The following CNTNAP2 variants were observed in gnomAD, a reference collection of about 807,000 sequenced individuals.
CNTNAP2 encodes the protein contactin associated protein 2.
A neutral mutation model predicts 155.2 loss-of-function variants in CNTNAP2; 98 were observed. The observed-to-expected ratio is 0.63, with a 90% confidence interval of 0.54 to 0.75. The LOEUF (loss-of-function observed/expected upper bound fraction) is 0.75, where lower values mean the gene tolerates loss of function less well. CNTNAP2 is among the 30% of genes least tolerant of loss of function. The probability of loss-of-function intolerance (pLI) is 0.00; values close to 1 mark genes in which losing one functional copy is unlikely to be tolerated. For missense variants in CNTNAP2, 1,727 were observed against 1,688.1 expected (o/e 1.02, Z -0.40); for synonymous variants, 651 against 631.2 (o/e 1.03, Z -0.47).
chr7:146,970,238 C>T (rs1324934437), intron 3 of CNTNAP2, among the ~76,000 whole-genome samples: 9 of 152,196 alleles, frequency 5.9e-5, no homozygotes, highest in African/African-American at 2.2e-4. Context: ...AGAGCTTCTG[C>T]ACAGCAAAAG....
intron 16 of CNTNAP2, among the ~76,000 whole-genome samples, chr7:148,140,252 T>C (rs1805033755): frequency 6.6e-6 from 1 of 152,058 alleles, no homozygotes; most frequent in South Asian, 2.1e-4. Flanking sequence ...TGAGCCTCCA[T>C]GTTCAGAGTC....
At chr7:148,132,624 G>C (rs1019002391) in intron 16 of CNTNAP2, among the ~76,000 whole-genome samples, 2 of 152,176 alleles carry the variant, frequency 1.3e-5, no homozygotes, top group Non-Finnish European at 2.9e-5. Flanking sequence ...ATGAGATGTA[G>C]AATAGAAATG....
intron 11 of CNTNAP2, among the ~76,000 whole-genome samples, chr7:147,521,222 C>A (rs935410084): frequency 6.6e-6 from 1 of 152,174 alleles, no homozygotes; most frequent in East Asian, 1.9e-4. Flanking sequence ...CATTAATTTG[C>A]CTGCTTCGGT....
intron 1 of CNTNAP2, among the ~76,000 whole-genome samples, chr7:146,507,313 G>A (rs565528354): frequency 1.2e-3 from 176 of 152,314 alleles, no homozygotes; most frequent in Non-Finnish European, 2.2e-3. Flanking sequence ...TCTCTGCACT[G>A]CCATAGGCCC....
At chr7:146,607,862 C>T (rs1341302821) in intron 1 of CNTNAP2, among the ~76,000 whole-genome samples, 1 of 152,128 alleles carries the variant, frequency 6.6e-6, no homozygotes, top group Non-Finnish European at 1.5e-5. Flanking sequence ...CCCTCATGTG[C>T]TTCCAAAATC....
At chr7:147,064,906 C>A (rs1286783231) in intron 4 of CNTNAP2, among the ~76,000 whole-genome samples, 3 of 152,120 alleles carry the variant, frequency 2.0e-5, no homozygotes, top group Admixed American at 1.3e-4. Flanking sequence ...GTTTCAAGAG[C>A]TCAAATTCCT....
At position 148,415,989 on chromosome 7, in the gene CNTNAP2, G is replaced by GTATT. The variant is rs1799979496; in HGVS notation, c.*375_*378dup. The GTATT allele has an allele frequency of 4.1e-6, 1 of 241,180 alleles. No individual in the cohort carries two copies. Among genetic ancestry groups the GTATT allele is most frequent in the African/African-American group, 2.3e-5 (1 of 44,148 alleles). The allele number at this position is 241,180 out of a possible 1,614,324, so 14.9% of individuals were successfully genotyped here. On this transcript the variant is annotated 3_prime_UTR_variant, in exon 24 of 24. Coordinates refer to ENST00000361727, the MANE Select transcript of CNTNAP2 (RefSeq NM_014141.6). The stretch of plus-strand genomic sequence containing the variant: ...GTTTTTAAGAGCCCTTAGAACGTGG[G>GTATT]TATTTTTTTTCTTGAGAAAAGCTAA...
rs1297546071 is a variant in CNTNAP2 at position 147,095,554 on chromosome 7, C to A, written c.551-12593C>A. ...ATATATATTTTCTTTTTAGTAAGTT[C>A]TATTTCAAATCTCAGTGAATAAGTT... is the stretch of plus-strand genomic sequence containing the variant. On this transcript the variant is annotated intron_variant, in intron 4 of 23. Transcript: ENST00000361727. 3.3e-5 allele frequency among the ~76,000 whole-genome samples: 5 copies of A among 151,526 alleles called. No individual in the cohort carries two copies. The South Asian group carries it at 1.0e-3, about 32-fold the overall frequency.
chr7:148,331,708 G>A (rs1563045910), intron 21 of CNTNAP2, among the ~76,000 whole-genome samples: 74 of 148,532 alleles, frequency 5.0e-4, no homozygotes, highest in South Asian at 6.4e-4. Context: ...GTGGATGGAT[G>A]GAGTGGACGG....
intron 1 of CNTNAP2, among the ~76,000 whole-genome samples, chr7:146,420,793 T>G (rs972022614): frequency 6.6e-6 from 1 of 152,106 alleles, no homozygotes; most frequent in Admixed American, 6.6e-5. Context: ...ACATCATTAA[T>G]GTAGGAATTG....
chr7:147,030,295 C>A (rs945127890), intron 3 of CNTNAP2, among the ~76,000 whole-genome samples: 3 of 152,054 alleles, frequency 2.0e-5, no homozygotes, highest in Non-Finnish European at 4.4e-5. Flanking sequence ...AGCATAGTTT[C>A]TTTTATGTGA....
At chr7:147,253,386 T>TTTTG (rs2116664179) in intron 8 of CNTNAP2, among the ~76,000 whole-genome samples, 1 of 148,780 alleles carries the variant, frequency 6.7e-6, no homozygotes, top group African/African-American at 2.6e-5. Context: ...GTTCTCTGTT[T>TTTTG]TTTTTTTTTT....
At chr7:147,928,819 G>A (rs1021887005) in intron 14 of CNTNAP2, among the ~76,000 whole-genome samples, 8 of 151,936 alleles carry the variant, frequency 5.3e-5, no homozygotes, top group South Asian at 2.1e-4. Flanking sequence ...GGCCGGGTGC[G>A]GTGGCTCACG....
chr7:147,836,730 G>C (rs1175766048), intron 13 of CNTNAP2, among the ~76,000 whole-genome samples: 2 of 152,160 alleles, frequency 1.3e-5, no homozygotes, highest in Non-Finnish European at 2.9e-5. Flanking sequence ...ATGATGCCTG[G>C]CATATAGCAG....
At chr7:147,867,978 C>T (rs1799262120) in intron 13 of CNTNAP2, among the ~76,000 whole-genome samples, 1 of 152,076 alleles carries the variant, frequency 6.6e-6, no homozygotes, top group African/African-American at 2.4e-5. Context: ...CTCTGTCCAG[C>T]TTTGTTCTGT....
intron 3 of CNTNAP2, among the ~76,000 whole-genome samples, chr7:147,040,851 G>A (rs74873235): frequency 0.025 from 3,840 of 152,218 alleles, 185 homozygotes; most frequent in African/African-American, 0.087. Flanking sequence ...AGCAATAAAT[G>A]TTCATCATAT....
chr7:147,129,610 A>G (rs1042340937), intron 7 of CNTNAP2, among the ~76,000 whole-genome samples: 2 of 152,172 alleles, frequency 1.3e-5, no homozygotes, highest in Admixed American at 6.5e-5. Flanking sequence ...GAGAGCTTAG[A>G]ATTCCAGAGA....
intron 16 of CNTNAP2, among the ~76,000 whole-genome samples, chr7:148,124,316 C>A (rs1161435894): frequency 6.6e-6 from 1 of 151,894 alleles, no homozygotes; most frequent in Non-Finnish European, 1.5e-5. Context: ...AAATATTGTT[C>A]AAAAAAAATT....
chr7:148,026,130 C>T (rs779808750), intron 15 of CNTNAP2, among the ~76,000 whole-genome samples: 18 of 151,994 alleles, frequency 1.2e-4, no homozygotes, highest in Non-Finnish European at 2.2e-4. Context: ...ACAGCTTACC[C>T]CCAAAAGTAA....
Sources: allele counts gnomAD v4.1 joint callset (sites outside exome capture counted in the v4.1 genomes callset), GRCh38; gene constraint gnomAD v4.1.1; transcripts MANE v1.5; gene names NCBI Gene and HGNC (gene_info 2026-07-23, HGNC 2026-07-21).